Variants in ADCY9 observed in about 807,000 individuals in gnomAD.
ADCY9 encodes the protein adenylate cyclase type 9.
ADCY9 carries 50 observed loss-of-function variants against 101.5 expected under a neutral mutation model. The observed-to-expected ratio is 0.49, with a 90% CI of 0.39 to 0.62. ADCY9 has a LOEUF of 0.62. ADCY9 is among the 20% of genes least tolerant of loss of function. The probability of loss-of-function intolerance (pLI) is 0.00; values close to 1 mark genes in which losing one functional copy is unlikely to be tolerated. For synonymous variants in ADCY9, 905 were observed against 769.3 expected (o/e 1.18, Z -2.92); for missense variants, 1,662 against 1,800.4 (o/e 0.92, Z 1.39).
intron 2 of ADCY9, among the ~76,000 whole-genome samples, chr16:4,077,681 A>G (rs2141175498): frequency 1.3e-5 from 2 of 152,286 alleles, no homozygotes; most frequent in Middle Eastern, 6.8e-3. Flanking sequence ...CTGCCAAGAA[A>G]AATCTAAGGC....
chr16:3,957,851 C>G (rs186264295), downstream of ADCY9, among the ~76,000 whole-genome samples: 4 of 152,194 alleles, frequency 2.6e-5, no homozygotes, highest in Non-Finnish European at 5.9e-5. Context: ...TCACATCCTT[C>G]CCGATCCTGT....
intron 2 of ADCY9, among the ~76,000 whole-genome samples, chr16:4,103,449 T>C (rs1162151312): frequency 6.6e-6 from 1 of 152,238 alleles, no homozygotes; most frequent in African/African-American, 2.4e-5. Flanking sequence ...CAGGTCCCGA[T>C]GCAGGGAAAC....
Position 4,115,039 on chromosome 16 carries a change from G to T in ADCY9, c.404C>A (p.Ala135Glu), listed in dbSNP as rs1383108014. 6.2e-7 allele frequency: 1 copy of T among 1,614,092 alleles called. No individual in the cohort carries two copies. The highest frequency in any genetic ancestry group is 1.3e-5 in the African/African-American group (1 of 75,066). ...GATCAGTCTGGATCTCATGTGGACC[G>T]CAAAATAGATGCTCCACAGAAGGCA... is the stretch of plus-strand genomic sequence containing the variant. ...FACLLWSIYF[A>E]VHMRSRLIVM... The change falls in exon 2 of 11, where the codon GCG becomes GAG. Residue 135 changes from alanine to glutamate, a missense_variant. Physicochemically the swap from Ala to Glu is moderately radical, Grantham distance 107. Transcript: ENST00000294016. The surrounding 1 kb of genome is among the most constrained non-coding windows in gnomAD (Gnocchi z 6.2).
intron 2 of ADCY9, among the ~76,000 whole-genome samples, chr16:4,019,909 C>A (rs2056463185): frequency 6.6e-6 from 1 of 152,122 alleles, no homozygotes; most frequent in Non-Finnish European, 1.5e-5. Context: ...GAAACCCTGT[C>A]TCCACTAAAA....
chr16:4,102,036 C>G (rs1294047181), intron 2 of ADCY9, among the ~76,000 whole-genome samples: 2 of 152,114 alleles, frequency 1.3e-5, no homozygotes, highest in African/African-American at 4.8e-5. Context: ...CTAGTGTGTT[C>G]TAGGTTTCGG....
At position 3,979,235 on chromosome 16, in the gene ADCY9, G is replaced by T; in HGVS notation, c.2560C>A (p.Arg854Ser). Reference sequence around the variant, plus strand: ...CAGCCGGCGATCCACTCCAGCAGGCGCTTGGTGCAGGCCATGACGTCCTCC... The same window carrying T: ...CAGCCGGCGATCCACTCCAGCAGGCTCTTGGTGCAGGCCATGACGTCCTCC... ...FLEDVMACTK[R>S]LLEWIAGWLP... The change falls in exon 8 of 11, where the codon CGC becomes AGC. Residue 854 changes from arginine to serine, a missense_variant. Around this residue, in one of 5 missense-constraint regions of ADCY9, gnomAD observed 624 missense variants for 639.1 expected, o/e 0.98. Transcript: ENST00000294016. The T allele has an allele frequency of 6.2e-7, 1 of 1,614,036 alleles. No homozygotes were observed. Among genetic ancestry groups the T allele is most frequent in the Non-Finnish European group, 8.5e-7 (1 of 1,179,994 alleles).
intron 2 of ADCY9, among the ~76,000 whole-genome samples, chr16:4,024,321 A>G (rs1287881204): frequency 6.6e-6 from 1 of 152,106 alleles, no homozygotes; most frequent in Non-Finnish European, 1.5e-5. Context: ...GCACCCATCC[A>G]ATTTTTTAAA....
chr16:4,094,548 C>T (rs903210171), intron 2 of ADCY9, among the ~76,000 whole-genome samples: 2 of 152,022 alleles, frequency 1.3e-5, no homozygotes, highest in Admixed American at 6.6e-5. Flanking sequence ...CTGTGGCTCA[C>T]GCCCGTAATC....
chr16:4,036,256 C>A (rs1462750457), intron 2 of ADCY9, among the ~76,000 whole-genome samples: 4 of 151,992 alleles, frequency 2.6e-5, no homozygotes, highest in Non-Finnish European at 5.9e-5. Flanking sequence ...TCTTTCAGAA[C>A]TCACACACAC....
At chr16:4,090,509 C>T (rs1353654151) in intron 2 of ADCY9, among the ~76,000 whole-genome samples, 2 of 152,046 alleles carry the variant, frequency 1.3e-5, no homozygotes, top group Non-Finnish European at 2.9e-5. Flanking sequence ...TAAGGAAGTG[C>T]TGTGGGAACA....
At chr16:3,989,646 C>T (rs2056228139) in intron 5 of ADCY9, among the ~76,000 whole-genome samples, 1 of 152,220 alleles carries the variant, frequency 6.6e-6, no homozygotes, top group Non-Finnish European at 1.5e-5. Flanking sequence ...TCCCAAAGTG[C>T]TGGGATGACA....
chr16:4,005,090 T>A (rs1014818356), intron 3 of ADCY9, among the ~76,000 whole-genome samples: 6 of 152,178 alleles, frequency 3.9e-5, no homozygotes, highest in Admixed American at 3.3e-4. Flanking sequence ...GAGAATGCTG[T>A]ATATACCGCG....
At chr16:4,053,441 A>C (rs578168701) in intron 2 of ADCY9, among the ~76,000 whole-genome samples, 4 of 152,212 alleles carry the variant, frequency 2.6e-5, no homozygotes, top group Admixed American at 2.6e-4. Context: ...CGACGGAAAC[A>C]GCAGTTGGCA....
At chr16:3,972,754 TGGTCA>T (rs1276649296) in intron 10 of ADCY9, among the ~76,000 whole-genome samples, 1 of 151,400 alleles carries the variant, frequency 6.6e-6, no homozygotes, top group African/African-American at 2.4e-5. Context: ...CCTAGGGAGG[TGGTCA>T]GGTCGGGGGA....
Position 4,113,787 on chromosome 16 carries a change from T to C in ADCY9, c.1656A>G (p.Glu552=), listed in dbSNP as rs576501181. The C allele has an allele frequency of 2.0e-4, 325 of 1,613,898 alleles. 7 individuals carry two copies. In the South Asian group the frequency reaches 3.2e-3, roughly 16 times the overall value. ...RYEMEDGKVI[E]RLGQSVVADQ... is the part of the protein sequence containing the mutation. Reference sequence around the variant, plus strand: ...CAGCAACCACGCTCTGGCCCAGCCGTTCAATAACTTTCCCATCTTCCATTT... The same window carrying C: ...CAGCAACCACGCTCTGGCCCAGCCGCTCAATAACTTTCCCATCTTCCATTT... The change falls in exon 2 of 11, where the codon GAA becomes GAG. Residue 552 remains glutamate (E), a synonymous_variant. Coordinates refer to ENST00000294016, the MANE Select transcript of ADCY9 (RefSeq NM_001116.4).
At chr16:3,969,601 TATATATATG>T (rs1238011009) in intron 10 of ADCY9, among the ~76,000 whole-genome samples, 75 of 97,450 alleles carry the variant, frequency 7.7e-4, no homozygotes, top group Non-Finnish European at 1.4e-3. Context: ...TATATATATA[TATATATATG>T]TATTTTTTTT....
chr16:4,105,779 C>T (rs939280091), intron 2 of ADCY9, among the ~76,000 whole-genome samples: 1 of 151,378 alleles, frequency 6.6e-6, no homozygotes, highest in African/African-American at 2.4e-5. Context: ...TGCAGGAGGT[C>T]GAGGCTGCAG....
chr16:4,048,171 T>C (rs1392657766), intron 2 of ADCY9, among the ~76,000 whole-genome samples: 1 of 152,210 alleles, frequency 6.6e-6, no homozygotes, highest in African/African-American at 2.4e-5. Flanking sequence ...CACCCAATAA[T>C]TGGAAATTGT....
At chr16:4,040,950 G>A (rs2056622641) in intron 2 of ADCY9, among the ~76,000 whole-genome samples, 1 of 152,124 alleles carries the variant, frequency 6.6e-6, no homozygotes, top group Admixed American at 6.5e-5. Context: ...ATGGGAGGGT[G>A]GAAACAGCAG....
Sources: gnomAD v4.1 joint callset for allele counts (sites outside exome capture counted in the v4.1 genomes callset) on GRCh38, gnomAD v4.1.1 for gene constraint, gnomAD v4.1.1 regional missense constraint, Gnocchi (gnomAD v3.1) non-coding constraint, MANE v1.5 for transcripts, NCBI Gene and HGNC (gene_info 2026-07-23, HGNC 2026-07-21) for gene names.